Variants in OLFM1 observed in about 807,000 individuals in gnomAD.
OLFM1 encodes olfactomedin 1.
In OLFM1, 9 loss-of-function variants were observed where a neutral mutation model predicts 49.7. The observed-to-expected ratio is 0.18, with a 90% CI of 0.11 to 0.32. The LOEUF (loss-of-function observed/expected upper bound fraction) is 0.32, where lower values mean the gene tolerates loss of function less well. Among genes scored for constraint, OLFM1 ranks in the 10% least tolerant of loss-of-function variants. The pLI is 1.00. For synonymous variants in OLFM1, 240 were observed against 271.8 expected (o/e 0.88, Z 1.15); for missense variants, 369 against 661.8 (o/e 0.56, Z 4.85).
At chr9:135,108,024 T>C (rs1640565313) in intron 5 of OLFM1, among the ~76,000 whole-genome samples, 3 of 152,192 alleles carry the variant, frequency 2.0e-5, no homozygotes, top group African/African-American at 7.2e-5. Context: ...GCCTGTTGCA[T>C]GTGTCTTGAT....
intron 5 of OLFM1, among the ~76,000 whole-genome samples, chr9:135,109,584 A>G (rs183952078): frequency 6.6e-6 from 1 of 151,990 alleles, no homozygotes; most frequent in East Asian, 1.9e-4. Flanking sequence ...ACAGCCTCCA[A>G]CTCCCAGTGT....
At chr9:135,079,845 A>C (rs1450877144) in intron 1 of OLFM1, among the ~76,000 whole-genome samples, 4 of 152,030 alleles carry the variant, frequency 2.6e-5, no homozygotes, top group African/African-American at 9.7e-5. Context: ...GTCAGTGAAC[A>C]CAGAACAGGC....
intron 2 of OLFM1, among the ~76,000 whole-genome samples, chr9:135,091,112 G>A (rs1445896793): frequency 1.3e-5 from 2 of 152,202 alleles, no homozygotes; most frequent in African/African-American, 4.8e-5. Flanking sequence ...AGGGAAGTGG[G>A]CACTCGGACC....
upstream of OLFM1, chr9:135,087,468 T>TG: frequency 6.5e-7 from 1 of 1,527,462 alleles, no homozygotes. Context: ...GGGGTGGTGG[T>TG]GTGTCCGTCT....
chr9:135,111,857 A>C (rs769718586), intron 5 of OLFM1, among the ~76,000 whole-genome samples: 11 of 151,222 alleles, frequency 7.3e-5, no homozygotes, highest in Middle Eastern at 3.4e-3. Flanking sequence ...TTACAGGCGC[A>C]TGCCATCACT....
Position 135,090,191 on chromosome 9 carries a change from C to T in OLFM1, c.151-4C>T, listed in dbSNP as rs371717045. ...CTCTCCCTTCCCGCCCCGCCCCTCT[C>T]CAGGTGCTGCCCACCAACCCTGAGG... On this transcript the variant is annotated splice_region_variant and splice_polypyrimidine_tract_variant and intron_variant, in intron 1 of 5. Transcript: ENST00000371793. 42 of 1,605,540 alleles carry T rather than the reference C, an allele frequency of 2.6e-5. No individual in the cohort carries two copies. The African/African-American group carries it at 5.2e-4, about 20-fold the overall frequency.
intron 4 of OLFM1, chr9:135,105,778 AGG>A (rs1182990423): frequency 6.6e-6 from 1 of 152,218 alleles, no homozygotes; most frequent in Non-Finnish European, 1.5e-5. Flanking sequence ...CTTGTGGTGG[AGG>A]GGCCCTTCCT....
intron 5 of OLFM1, among the ~76,000 whole-genome samples, chr9:135,111,852 G>A (rs1393730172): frequency 6.6e-6 from 1 of 151,870 alleles, no homozygotes; most frequent in East Asian, 1.9e-4. Context: ...TGGGATTACA[G>A]GCGCATGCCA....
intron 2 of OLFM1, among the ~76,000 whole-genome samples, chr9:135,095,483 A>G (rs1830775885): frequency 6.7e-6 from 1 of 149,778 alleles, no homozygotes; most frequent in Non-Finnish European, 1.5e-5. Flanking sequence ...CCTGCAACAG[A>G]AAGACTAGGA....
intron 2 of OLFM1, among the ~76,000 whole-genome samples, chr9:135,091,599 T>TCA (rs1564270567): frequency 1.3e-5 from 1 of 77,216 alleles, no homozygotes; most frequent in African/African-American, 5.9e-5. Flanking sequence ...AGTCACACAC[T>TCA]CACACATAGT....
chr9:135,096,557 T>TACACTCGCCCCCAAGCCCCCGTC (rs1830801173), intron 3 of OLFM1, among the ~76,000 whole-genome samples: 1 of 152,230 alleles, frequency 6.6e-6, no homozygotes, highest in Admixed American at 6.5e-5. Flanking sequence ...GGCAGCAGCA[T>TACACTCGCCCCCAAGCCCCCGTC]ACACTCGCCC....
chr9:135,076,122 T>C (rs760023264), intron 1 of OLFM1: 34 of 1,547,498 alleles, frequency 2.2e-5, no homozygotes, highest in South Asian at 9.6e-5. Context: ...CTTTGGCTGC[T>C]ATTGTCATCT....
rs77531736 is a variant in OLFM1, at chr9:135,106,601, G to A, written c.677-148G>A. On this transcript the variant is annotated intron_variant, in intron 4 of 5. Transcript: ENST00000371793. ...GGGAGTTGTCTGTGAAAACAAGGGC[G>A]TGAGCAGCTTTCCACAGTACCCCAG... The A allele has an allele frequency of 2.3e-3, 1,404 of 609,010 alleles. 17 individuals are homozygous for A. Among genetic ancestry groups the A allele is most frequent in the African/African-American group, 0.021 (1,135 of 53,794 alleles). 37.7% of individuals were successfully genotyped at this position (609,010 alleles called of 1,614,324 possible).
chr9:135,096,362 C>G, intron 3 of OLFM1, among the ~76,000 whole-genome samples: 1 of 151,904 alleles, frequency 6.6e-6, no homozygotes, highest in Non-Finnish European at 1.5e-5. Flanking sequence ...TCTTCTCCTC[C>G]TCTGAGGCTG....
intron 1 of OLFM1, chr9:135,076,061 C>A (rs750415974): frequency 2.8e-4 from 407 of 1,453,870 alleles, no homozygotes; most frequent in Non-Finnish European, 3.6e-4. Flanking sequence ...TCCTAGGACT[C>A]CGCTGCCCCC....
intron 2 of OLFM1, among the ~76,000 whole-genome samples, chr9:135,091,893 A>G (rs1336634863): frequency 2.2e-5 from 1 of 45,410 alleles, no homozygotes; most frequent in Non-Finnish European, 4.9e-5. Flanking sequence ...ACACTCACAC[A>G]TAGTCACACA....
chr9:135,086,773 G>A, upstream of OLFM1: 1 of 451,882 alleles, frequency 2.2e-6, no homozygotes, highest in South Asian at 1.6e-5. Flanking sequence ...GGCAGCGTGC[G>A]CCACTTGCCC....
At chr9:135,091,663 A>ATT (rs796160517) in intron 2 of OLFM1, among the ~76,000 whole-genome samples, 1 of 56,242 alleles carries the variant, frequency 1.8e-5, no homozygotes, top group African/African-American at 6.4e-5. Context: ...TCACACACAC[A>ATT]CAGTCACACA....
rs1156604177 is a variant in OLFM1, at chr9:135,104,762, C to CT, written c.677-1987_677-1986insT. Reference sequence around the variant, plus strand: ...TGCTGTCTCCCCCGAAGCCCAGGGCCCCCCAGCAGCCGGAGGGTGAGCCCA... The same window carrying CT: ...TGCTGTCTCCCCCGAAGCCCAGGGCCTCCCCAGCAGCCGGAGGGTGAGCCCA... On this transcript the variant is annotated intron_variant, in intron 4 of 5. Transcript: ENST00000371793. Among the ~76,000 whole-genome samples the CT allele has an allele frequency of 6.3e-4, 96 of 152,258 alleles. 1 individual carries two copies. The highest frequency in any genetic ancestry group is 8.4e-4 in the Non-Finnish European group (57 of 68,010).
Sources: allele counts gnomAD v4.1 joint callset (sites outside exome capture counted in the v4.1 genomes callset), GRCh38; gene constraint gnomAD v4.1.1; transcripts MANE v1.5; gene names NCBI Gene and HGNC (gene_info 2026-07-23, HGNC 2026-07-21).